DRC3: variants seen among roughly 807,000 people sequenced by gnomAD.
The protein encoded by DRC3 is dynein regulatory complex subunit 3.
DRC3 carries 45 observed loss-of-function variants against 57.6 expected under a neutral mutation model. The observed-to-expected ratio is 0.78, with a 90% CI of 0.62 to 1.00. The LOEUF is 1.00. Among genes scored for constraint, DRC3 ranks in the 50% least tolerant of loss-of-function variants. The pLI is 0.00. For missense variants in DRC3, 655 were observed against 675.2 expected, an observed-to-expected ratio of 0.97 and a Z score of 0.33; for synonymous variants, 257 against 272.3, an observed-to-expected ratio of 0.94 and a Z score of 0.55.
intron 13 of DRC3, 24 bp downstream of exon 13, chr17:18,016,219 A>G: frequency 6.2e-7 from 1 of 1,607,092 alleles, no homozygotes. Context: ...AAGCCATCCT[A>G]GCAGGCTGGA....
chr17:17,989,976 G>A (rs1168567338), intron 5 of DRC3, among the ~76,000 whole-genome samples: 1 of 152,188 alleles, frequency 6.6e-6, no homozygotes, highest in Non-Finnish European at 1.5e-5. Context: ...GCAAGGAAGG[G>A]GTGCTTATCA....
At chr17:17,984,547 T>C (rs1335988915) in intron 4 of DRC3, among the ~76,000 whole-genome samples, 1 of 152,176 alleles carries the variant, frequency 6.6e-6, no homozygotes, top group East Asian at 1.9e-4. Flanking sequence ...TGAGGGGCAA[T>C]GGGTCCCTAG....
At chr17:17,991,714 T>C (rs2043240641) in intron 5 of DRC3, among the ~76,000 whole-genome samples, 1 of 152,186 alleles carries the variant, frequency 6.6e-6, no homozygotes, top group Admixed American at 6.6e-5. Flanking sequence ...TTACTAAAAA[T>C]AGAGTGTAGG....
intron 5 of DRC3, among the ~76,000 whole-genome samples, chr17:17,990,318 C>T (rs2145307210): frequency 6.6e-6 from 1 of 152,354 alleles, no homozygotes; most frequent in Admixed American, 6.5e-5. Context: ...CAGAAGTTTG[C>T]CCTGCATGCC....
intron 9 of DRC3, among the ~76,000 whole-genome samples, chr17:18,000,469 A>T (rs1034111597): frequency 6.6e-6 from 1 of 152,116 alleles, no homozygotes; most frequent in Admixed American, 6.6e-5. Flanking sequence ...TCTTTTTTTT[A>T]TAGCTAAAAT....
Position 18,007,078 on chromosome 17 carries a change from C to G in DRC3, c.1257C>G (p.Ile419Met), listed in dbSNP as rs1171506881. The G allele has an allele frequency of 2.8e-6, 4 of 1,423,582 alleles. No homozygotes were observed. Among genetic ancestry groups the G allele is most frequent in the Non-Finnish European group, 3.7e-6 (4 of 1,076,242 alleles). 88.2% of individuals were successfully genotyped at this position (1,423,582 alleles called of 1,614,324 possible). A position where few individuals can be genotyped will look rare whatever the true frequency, so the allele number is the denominator to read the frequency against. Residue 419 changes from isoleucine (I) to methionine (M), a missense_variant, in exon 12 of 14, where the codon ATC (isoleucine) becomes ATG (methionine). Physicochemically the swap from Ile to Met is conservative, Grantham distance 10. Transcript: ENST00000399187. The stretch of plus-strand genomic sequence containing the variant: ...ACCACCACGAGAAGCTCCTGGAGAT[C>G]TCTATCAGCACCCTGGAGAAGATTG... Reference protein sequence around the residue: ...ENHHHEKLLEISISTLEKIVE... With the variant: ...ENHHHEKLLEMSISTLEKIVE...
At chr17:18,014,923 C>G (rs542221468) in intron 12 of DRC3, 1 of 152,162 alleles carries the variant, frequency 6.6e-6, no homozygotes, top group African/African-American at 2.4e-5. Flanking sequence ...GCTAATTGGT[C>G]CCCCAGACAC....
intron 3 of DRC3, among the ~76,000 whole-genome samples, chr17:17,980,915 T>A (rs1428633078): frequency 2.6e-5 from 4 of 152,232 alleles, no homozygotes; most frequent in South Asian, 2.1e-4. Context: ...TTGTATTTTT[T>A]ATTTTTTTGG....
intron 12 of DRC3, among the ~76,000 whole-genome samples, chr17:18,013,783 G>T (rs2044253122): frequency 6.6e-6 from 1 of 152,086 alleles, no homozygotes; most frequent in South Asian, 2.1e-4. Flanking sequence ...CTAAAAGGAG[G>T]ATATTGAATG....
chr17:17,984,329 C>A (rs1356996769), intron 4 of DRC3, among the ~76,000 whole-genome samples: 1 of 152,112 alleles, frequency 6.6e-6, no homozygotes, highest in East Asian at 1.9e-4. Context: ...ATAATCGTCA[C>A]AGAGGCTAGT....
chr17:17,999,830 A>G (rs2043616280), intron 9 of DRC3, among the ~76,000 whole-genome samples: 1 of 152,220 alleles, frequency 6.6e-6, no homozygotes, highest in African/African-American at 2.4e-5. Context: ...AGTCAGCTGC[A>G]CTCTCGAATG....
At chr17:18,011,028 G>T in intron 12 of DRC3, 1 of 218,216 alleles carries the variant, frequency 4.6e-6, no homozygotes, top group Non-Finnish European at 9.3e-6. Flanking sequence ...CATGATCTTG[G>T]CTCACGACAA....
intron 2 of DRC3, among the ~76,000 whole-genome samples, chr17:17,975,521 C>G (rs1167902916): frequency 1.4e-5 from 2 of 144,968 alleles, no homozygotes; most frequent in Non-Finnish European, 3.0e-5. Flanking sequence ...CCCCACCCCC[C>G]CCCCAAAAAA....
chr17:17,992,737 A>T (rs1219054713), intron 5 of DRC3, 28 bp from the exon 6 acceptor site: 1 of 1,608,260 alleles, frequency 6.2e-7, no homozygotes, highest in African/African-American at 1.3e-5. Context: ...AGCCAAGAAA[A>T]TGGGCCTTTC....
chr17:17,991,028 C>A (rs1270479664), intron 5 of DRC3, among the ~76,000 whole-genome samples: 1 of 152,012 alleles, frequency 6.6e-6, no homozygotes, highest in Non-Finnish European at 1.5e-5. Context: ...AAACATTTTT[C>A]CCCCACTCCT....
At chr17:18,011,732 C>T (rs116550212) in intron 12 of DRC3, 3,730 of 202,196 alleles carry the variant, frequency 0.018, 120 homozygotes, top group African/African-American at 0.07. Flanking sequence ...ACTGTGTTCA[C>T]CAAGTCTTCC....
At chr17:17,987,503 C>T (rs1451499330) in intron 4 of DRC3, among the ~76,000 whole-genome samples, 1 of 152,152 alleles carries the variant, frequency 6.6e-6, no homozygotes, top group East Asian at 1.9e-4. Flanking sequence ...AGAGGATATA[C>T]ACGAGTGCTT....
intron 5 of DRC3, chr17:17,989,598 G>A (rs76248139): frequency 0.038 from 5,824 of 152,456 alleles, 119 homozygotes; most frequent in Non-Finnish European, 0.047. Flanking sequence ...GGAAGCTGGA[G>A]TAAGGGAGGC....
intron 12 of DRC3, chr17:18,007,938 C>A: frequency 1.2e-6 from 1 of 830,520 alleles, no homozygotes; most frequent in Non-Finnish European, 1.5e-6. Flanking sequence ...GTCCGTCCTC[C>A]ATGTGGCAGC....
Sources: allele counts gnomAD v4.1 joint callset (sites outside exome capture counted in the v4.1 genomes callset), GRCh38; gene constraint gnomAD v4.1.1; transcripts MANE v1.5; gene names NCBI Gene and HGNC (gene_info 2026-07-23, HGNC 2026-07-21).